Variants in ANAPC2 observed in about 807,000 individuals in gnomAD.
ANAPC2 encodes the protein anaphase-promoting complex subunit 2.
ANAPC2 carries 29 observed loss-of-function variants against 84.3 expected under a neutral mutation model. The observed-to-expected ratio is 0.34, with a 90% CI of 0.26 to 0.47. The LOEUF is 0.47. Among genes scored for constraint, ANAPC2 ranks in the 20% least tolerant of loss-of-function variants. ANAPC2 has a pLI of 1.00. For missense variants in ANAPC2, 857 were observed against 1,131.7 expected (o/e 0.76, Z 3.48); for synonymous variants, 571 against 479.4 (o/e 1.19, Z -2.50).
chr9:137,179,095 G>C (rs548801195), intron 10 of ANAPC2, among the ~76,000 whole-genome samples: 1 of 152,182 alleles, frequency 6.6e-6, no homozygotes, highest in Non-Finnish European at 1.5e-5. Flanking sequence ...GCCTCCTGGC[G>C]GCTCTGTCCT....
At position 137,187,661 on chromosome 9, in the gene ANAPC2, C is replaced by T. The variant is rs1438992529; in HGVS notation, c.560G>A (p.Ser187Asn). 2 of 1,613,982 alleles carry T rather than the reference C, an allele frequency of 1.2e-6. No homozygotes were observed. Among genetic ancestry groups the T allele is most frequent in the East Asian group, 2.2e-5 (1 of 44,902 alleles). The change falls in exon 2 of 13, where the codon AGT becomes AAT. Residue 187 changes from serine to asparagine, a missense_variant. By Grantham distance (46) the Ser-to-Asn change is conservative (BLOSUM62 1). Transcript: ENST00000323927. ...YGCFLRVYMQ[S>N]KRKGEGGTDP... The stretch of plus-strand genomic sequence containing the variant: ...TGTGCCCCCTTCCCCCTTCCTCTTA[C>T]TCTGCATATAGACTCTCAAGAAGCA...
intron 2 of ANAPC2, chr9:137,186,605 G>A (rs1390634450): frequency 9.5e-6 from 5 of 524,086 alleles, no homozygotes; most frequent in Non-Finnish European, 1.7e-5. Context: ...TATCCAGGTA[G>A]GGACACTGGC....
At position 137,187,583 on chromosome 9, in the gene ANAPC2, T is replaced by G. The variant is rs767170719; in HGVS notation, c.638A>C (p.Tyr213Ser). 1 of 1,613,952 alleles carries G rather than the reference T, an allele frequency of 6.2e-7. No individual in the cohort carries two copies. The highest frequency in any genetic ancestry group is 8.5e-7 in the Non-Finnish European group (1 of 1,180,032). The change falls in exon 2 of 13, where the codon TAC (tyrosine) becomes TCC (serine). Residue 213 changes from tyrosine (Y) to serine (S), a missense_variant. Around this residue, in one of 3 missense-constraint regions of ANAPC2, gnomAD observed 428 missense variants for 513.8 expected, o/e 0.83. Coordinates refer to ENST00000323927, the MANE Select transcript of ANAPC2 (RefSeq NM_013366.4). ...ACACAGCGGGCTCTGCAGGAGCCGG[T>G]AGTACCGGCGACGGGCATACCGGCT... Reference protein sequence around the residue: ...LDSRYARRRYYRLLQSPLCAG... With the variant: ...LDSRYARRRYSRLLQSPLCAG...
At chr9:137,179,163 G>C (rs1401745333) in intron 10 of ANAPC2, among the ~76,000 whole-genome samples, 1 of 152,122 alleles carries the variant, frequency 6.6e-6, no homozygotes, top group Non-Finnish European at 1.5e-5. Context: ...GGGTACCTGG[G>C]GTTGGGGTCT....
chr9:137,177,637 T>C (rs573387839), intron 10 of ANAPC2, among the ~76,000 whole-genome samples: 31 of 152,274 alleles, frequency 2.0e-4, no homozygotes, highest in Non-Finnish European at 4.1e-4. Context: ...GGGCTGTCAC[T>C]TGCACGTGGG....
At position 137,183,160 on chromosome 9, in the gene ANAPC2, C is replaced by T; in HGVS notation, c.1251G>A (p.Leu417=). 6.2e-7 allele frequency: 1 copy of T among 1,613,188 alleles called. No homozygotes were observed. The highest frequency in any genetic ancestry group is 8.5e-7 in the Non-Finnish European group (1 of 1,179,936). ...LRVLDPSMVI[L]EVACEPIRRY... ...GGCGGATAGGCTCACAGGCCACCTC[C>T]AGGATGACCATGGAAGGGTCCAGCA... is the stretch of plus-strand genomic sequence containing the variant. Residue 417 remains leucine (L), a synonymous_variant, in exon 6 of 13, where the codon CTG becomes CTA. Transcript: ENST00000323927.
At chr9:137,178,995 A>G (rs1287773367) in intron 10 of ANAPC2, among the ~76,000 whole-genome samples, 1 of 152,206 alleles carries the variant, frequency 6.6e-6, no homozygotes, top group African/African-American at 2.4e-5. Flanking sequence ...TGCAAAAGAA[A>G]AAGGAAAACA....
intron 10 of ANAPC2, among the ~76,000 whole-genome samples, chr9:137,178,177 G>T (rs538559310): frequency 6.6e-6 from 1 of 151,986 alleles, no homozygotes; most frequent in Non-Finnish European, 1.5e-5. Context: ...TGGCTTGCTA[G>T]GTCCTAGTTC....
At position 137,175,472 on chromosome 9, in the gene ANAPC2, G is replaced by T; in HGVS notation, c.2021C>A (p.Ala674Asp). Residue 674 changes from alanine (A) to aspartate (D), a missense_variant and splice_region_variant, in exon 12 of 13, where the codon GCC (alanine) becomes GAC (aspartate). Around this residue, in one of 3 missense-constraint regions of ANAPC2, gnomAD observed 425 missense variants for 595.5 expected, o/e 0.71. Coordinates refer to ENST00000323927, the MANE Select transcript of ANAPC2 (RefSeq NM_013366.4). ...AVILLYFQDQASWTLEELSKA... is the reference protein window; with the variant it reads ...AVILLYFQDQDSWTLEELSKA... ...GCTCAGTTCCTCCAGGGTCCAGCTGGCTGCGTGCAGAGTCACCGGGACGCT... is the reference window on the plus strand; with the variant it reads ...GCTCAGTTCCTCCAGGGTCCAGCTGTCTGCGTGCAGAGTCACCGGGACGCT... The T allele has an allele frequency of 6.4e-7, 1 of 1,561,118 alleles. No individual in the cohort carries two copies.
rs749355329 is a variant in ANAPC2, at chr9:137,184,960, C to T, written c.1001G>A (p.Arg334His). The T allele has an allele frequency of 3.7e-5, 59 of 1,612,368 alleles. No individual in the cohort carries two copies. The highest frequency in any genetic ancestry group is 1.6e-4 in the Middle Eastern group (1 of 6,082). The change falls in exon 4 of 13, where the codon CGC becomes CAC. Residue 334 changes from arginine to histidine, a missense_variant. Arg to His is a conservative substitution (Grantham distance 29). This residue lies in a region of ANAPC2 where 428 missense variants were observed against 513.8 expected (regional missense o/e 0.83). Transcript: ENST00000323927. ...WRCHVQRFFY[R>H]IYASLRIEEL... is the part of the protein sequence containing the mutation. ...CTCGATGCGCAGGCTGGCGTAGATGCGGTAGAAGAACCTTTGCACGTGGCA... is the reference window on the plus strand; with the variant it reads ...CTCGATGCGCAGGCTGGCGTAGATGTGGTAGAAGAACCTTTGCACGTGGCA...
At chr9:137,183,574 G>A in intron 5 of ANAPC2, 98 bp downstream of exon 5, 1 of 1,502,006 alleles carries the variant, frequency 6.7e-7, no homozygotes, top group Middle Eastern at 2.4e-4. Context: ...AGACCTACAA[G>A]TCCAGGGCTG....
intron 10 of ANAPC2, among the ~76,000 whole-genome samples, chr9:137,178,591 G>T (rs187605970): frequency 1.1e-4 from 17 of 152,342 alleles, no homozygotes; most frequent in Admixed American, 1.1e-3. Context: ...CGGATGATTT[G>T]TACCAGAACA....
intron 4 of ANAPC2, among the ~76,000 whole-genome samples, chr9:137,184,220 C>T (rs760528396): frequency 5.4e-5 from 8 of 147,170 alleles, no homozygotes; most frequent in Admixed American, 2.0e-4. Flanking sequence ...GACACAGAGC[C>T]GACATGGCGA....
intron 10 of ANAPC2, among the ~76,000 whole-genome samples, chr9:137,179,925 T>C (rs1834305598): frequency 2.0e-5 from 3 of 152,348 alleles, no homozygotes; most frequent in East Asian, 3.9e-4. Context: ...TCAGGAGACC[T>C]GGGCCCAGCA....
rs781432283 is a variant in ANAPC2 at position 137,180,196 on chromosome 9, C to T, written c.1875G>A (p.Lys625=). ...IRAALEAYCK[K]YEQLKAMRTL... is the part of the protein sequence containing the mutation. Reference sequence around the variant, plus strand: ...ATGGAGGTACCTTGAGCTGCTCATACTTCTTGCAGTAAGCCTCCAGGGCTG... The same window carrying T: ...ATGGAGGTACCTTGAGCTGCTCATATTTCTTGCAGTAAGCCTCCAGGGCTG... The change falls in exon 10 of 13, where the codon AAG becomes AAA. Residue 625 remains lysine (K), a synonymous_variant. Transcript: ENST00000323927. The T allele has an allele frequency of 6.2e-6, 10 of 1,613,716 alleles. No individual in the cohort carries two copies. Among genetic ancestry groups the T allele is most frequent in the Non-Finnish European group, 8.5e-6 (10 of 1,179,984 alleles).
intron 11 of ANAPC2, 31 bp downstream of exon 11, chr9:137,175,677 G>T: frequency 6.3e-7 from 1 of 1,599,456 alleles, no homozygotes; most frequent in African/African-American, 1.3e-5. Flanking sequence ...CGTGTGGCCG[G>T]GGCAGGCCAG....
intron 5 of ANAPC2, 189 bp downstream of exon 5, chr9:137,183,483 C>T: frequency 4.2e-6 from 4 of 953,434 alleles, no homozygotes; most frequent in Non-Finnish European, 6.1e-6. Context: ...TGACTCCCTC[C>T]AAAGAAGAAA....
Position 137,187,588 on chromosome 9 carries a change from C to T in ANAPC2, c.633G>A (p.Arg211=). Residue 211 remains arginine, a synonymous_variant, in exon 2 of 13, where the codon CGG becomes CGA. Transcript: ENST00000323927. The part of the protein sequence containing the change: ...GELDSRYARR[R]YYRLLQSPLC... Reference sequence around the variant, plus strand: ...GCGGGCTCTGCAGGAGCCGGTAGTACCGGCGACGGGCATACCGGCTGTCCA... The same window carrying T: ...GCGGGCTCTGCAGGAGCCGGTAGTATCGGCGACGGGCATACCGGCTGTCCA... 6.2e-7 allele frequency: 1 copy of T among 1,613,964 alleles called. No individual in the cohort carries two copies.
intron 5 of ANAPC2, 164 bp downstream of exon 5, chr9:137,183,508 G>A: frequency 9.1e-7 from 1 of 1,102,994 alleles, no homozygotes; most frequent in Non-Finnish European, 1.3e-6. Flanking sequence ...CAAGCTGACG[G>A]GCACCTCAGA....
Sources: gnomAD v4.1 joint callset for allele counts (sites outside exome capture counted in the v4.1 genomes callset) on GRCh38, gnomAD v4.1.1 for gene constraint, gnomAD v4.1.1 regional missense constraint, MANE v1.5 for transcripts, NCBI Gene and HGNC (gene_info 2026-07-23, HGNC 2026-07-21) for gene names.